ABI2: variants seen among roughly 807,000 people sequenced by gnomAD.
ABI2 encodes abelson interactor 2.
ABI2 carries 25 observed loss-of-function variants against 59.2 expected under a neutral mutation model. That is an observed-to-expected ratio of 0.42 (90% confidence interval 0.31 to 0.59). The LOEUF (loss-of-function observed/expected upper bound fraction) is 0.59, where lower values mean the gene tolerates loss of function less well. Ranked by LOEUF, ABI2 falls within the 20% of genes least tolerant of loss-of-function variation. ABI2 has a pLI of 0.14. For missense variants in ABI2, 545 were observed against 681.8 expected (o/e 0.80, Z 2.23); for synonymous variants, 213 against 235.5 (o/e 0.90, Z 0.87).
At chr2:203,378,689 T>C (rs1474098747) in intron 2 of ABI2, among the ~76,000 whole-genome samples, 1 of 152,140 alleles carries the variant, frequency 6.6e-6, no homozygotes, top group Non-Finnish European at 1.5e-5. Flanking sequence ...ACCAGGTTCT[T>C]TTAGAAAGGG....
At chr2:203,388,961 G>T (rs2096638829) in intron 4 of ABI2, among the ~76,000 whole-genome samples, 1 of 151,802 alleles carries the variant, frequency 6.6e-6, no homozygotes, top group Non-Finnish European at 1.5e-5. Flanking sequence ...TTTAGTGTTT[G>T]GTTCACTTCT....
rs564064537 is a variant in ABI2, at chr2:203,430,886, T to C, written c.*3534T>C. 6.6e-6 allele frequency: 1 copy of C among 152,364 alleles called. No homozygotes were observed. The highest frequency in any genetic ancestry group is 2.1e-4 in the South Asian group (1 of 4,828). The allele number at this position is 152,364 out of a possible 1,614,324, so 9.4% of individuals were successfully genotyped here. A position where few individuals can be genotyped will look rare whatever the true frequency, so the allele number is the denominator to read the frequency against. On this transcript the variant is annotated 3_prime_UTR_variant, in exon 12 of 12. Transcript: ENST00000261018. ...TTTTTCTCTTTGGGAGGCATCAAAA[T>C]GATGGTAGTTTGCTTTTATCTTTTT...
chr2:203,410,527 G>C (rs1261468004), intron 9 of ABI2, among the ~76,000 whole-genome samples: 1 of 152,090 alleles, frequency 6.6e-6, no homozygotes, highest in Non-Finnish European at 1.5e-5. Context: ...AGGTGATTGA[G>C]GTGCAGGGAA....
At chr2:203,376,363 G>A (rs2095678160) in intron 2 of ABI2, among the ~76,000 whole-genome samples, 1 of 152,174 alleles carries the variant, frequency 6.6e-6, no homozygotes, top group Admixed American at 6.5e-5. Flanking sequence ...AATGTCAATA[G>A]TGCCACTGTT....
chr2:203,352,825 G>A (rs535069616), intron 1 of ABI2, among the ~76,000 whole-genome samples: 19 of 152,304 alleles, frequency 1.2e-4, no homozygotes, highest in African/African-American at 4.3e-4. Flanking sequence ...TGTAAGCTGC[G>A]TTGATGGTAA....
At chr2:203,358,566 G>A (rs1231770186) in intron 1 of ABI2, among the ~76,000 whole-genome samples, 1 of 152,202 alleles carries the variant, frequency 6.6e-6, no homozygotes, top group Non-Finnish European at 1.5e-5. Context: ...AGAATTCTGT[G>A]TCTCGTTTCT....
intron 1 of ABI2, among the ~76,000 whole-genome samples, chr2:203,341,400 A>G (rs1016421106): frequency 1.3e-5 from 2 of 152,164 alleles, no homozygotes; most frequent in Non-Finnish European, 2.9e-5. Flanking sequence ...AGCATTAGAA[A>G]ATGTCGGAGG....
intron 1 of ABI2, among the ~76,000 whole-genome samples, chr2:203,334,381 G>T (rs1193665494): frequency 3.3e-5 from 5 of 152,126 alleles, no homozygotes; most frequent in African/African-American, 4.8e-5. Context: ...ATGTAGTAGA[G>T]ATATTTTTGA....
At position 203,408,829 on chromosome 2, in the gene ABI2, C is replaced by T. The variant is rs1174266496; in HGVS notation, c.1193-2456C>T. On this transcript the variant is annotated intron_variant, in intron 9 of 11. Coordinates refer to ENST00000261018, the MANE Select transcript of ABI2 (RefSeq NM_001375670.1). The stretch of plus-strand genomic sequence containing the variant: ...TCTTTTTTGTCTATGCTACCTTCTC[C>T]TTTCTTTTTTTTTTTTTTTTGAGAC... Among the ~76,000 whole-genome samples, 80 of 69,252 alleles carry T rather than the reference C, an allele frequency of 1.2e-3. 1 individual carries two copies. The highest frequency in any genetic ancestry group is 2.2e-3 in the African/African-American group (58 of 26,586). The allele number at this position is 69,252 out of a possible 152,430, so 45.4% of individuals were successfully genotyped here.
intron 1 of ABI2, among the ~76,000 whole-genome samples, chr2:203,340,530 CT>C (rs997564047): frequency 1.5e-4 from 23 of 152,012 alleles, no homozygotes; most frequent in African/African-American, 5.5e-4. Context: ...CCACACATGG[CT>C]AATTTTTGTA....
chr2:203,398,706 A>G (rs2097104640), intron 8 of ABI2, among the ~76,000 whole-genome samples: 1 of 152,124 alleles, frequency 6.6e-6, no homozygotes. Context: ...CTTTATAGTC[A>G]GTCCTTCCCT....
chr2:203,384,295 T>G lies in ABI2; in HGVS notation c.480+2089T>G, dbSNP rs112825499. Among the ~76,000 whole-genome samples, 97 of 87,926 alleles carry G rather than the reference T, an allele frequency of 1.1e-3. 3 individuals are homozygous for G. The highest frequency in any genetic ancestry group is 1.2e-3 in the Non-Finnish European group (44 of 36,704). The allele number at this position is 87,926 out of a possible 152,430, so 57.7% of individuals were successfully genotyped here. A position where few individuals can be genotyped will look rare whatever the true frequency, so the allele number is the denominator to read the frequency against. ...ATACTCTTGTTTTTGTTTTTGTTTT[T>G]TTTTTTTTTTTTTTTTTTTTTTTTT... On this transcript the variant is annotated intron_variant, in intron 4 of 11. Coordinates refer to ENST00000261018, the MANE Select transcript of ABI2 (RefSeq NM_001375670.1).
At chr2:203,345,033 C>T (rs561425405) in intron 1 of ABI2, among the ~76,000 whole-genome samples, 2 of 152,130 alleles carry the variant, frequency 1.3e-5, no homozygotes, top group East Asian at 1.9e-4. Flanking sequence ...AGCTGGCTGC[C>T]GGAGCCCGCA....
intron 4 of ABI2, among the ~76,000 whole-genome samples, chr2:203,385,324 G>A (rs1354155536): frequency 6.6e-6 from 1 of 150,408 alleles, no homozygotes; most frequent in African/African-American, 2.4e-5. Context: ...GTAGAGACGG[G>A]GTTTCACCGT....
chr2:203,416,868 C>T (rs1321080914), intron 10 of ABI2, 40 bp from the exon 11 acceptor site: 1 of 1,547,858 alleles, frequency 6.5e-7, no homozygotes, highest in Non-Finnish European at 8.7e-7. Context: ...CTGAACTTTG[C>T]ATAACATATA....
At chr2:203,362,422 A>G (rs1196522775) in intron 1 of ABI2, among the ~76,000 whole-genome samples, 2 of 152,208 alleles carry the variant, frequency 1.3e-5, no homozygotes, top group Non-Finnish European at 2.9e-5. Flanking sequence ...TTATATTCAC[A>G]TTCATGTAAT....
rs2078110268 is a variant in ABI2 at position 203,338,971 on chromosome 2, T to TATATATATAA, written c.117+10349_117+10350insAATATATATA. Among the ~76,000 whole-genome samples the TATATATATAA allele has an allele frequency of 9.0e-4, 9 of 9,980 alleles. 1 individual carries two copies. Among genetic ancestry groups the TATATATATAA allele is most frequent in the Middle Eastern group, 0.083 (1 of 12 alleles). The allele number at this position is 9,980 out of a possible 152,430, so 6.5% of individuals were successfully genotyped here. A position where few individuals can be genotyped will look rare whatever the true frequency, so the allele number is the denominator to read the frequency against. ...ATATATATATATATATAAATATATA[T>TATATATATAA]ATATATATATAAATATATATATATA... On this transcript the variant is annotated intron_variant, in intron 1 of 11. Coordinates refer to ENST00000261018, the MANE Select transcript of ABI2 (RefSeq NM_001375670.1).
At chr2:203,383,302 G>A (rs1174934354) in intron 4 of ABI2, 1 of 154,722 alleles carries the variant, frequency 6.5e-6, no homozygotes, top group African/African-American at 2.4e-5. Context: ...TGGATTGTTG[G>A]TTCCAAATCC....
At chr2:203,425,247 A>G (rs190176798) in intron 11 of ABI2, among the ~76,000 whole-genome samples, 29 of 151,898 alleles carry the variant, frequency 1.9e-4, no homozygotes, top group Non-Finnish European at 3.1e-4. Flanking sequence ...TTTTGAGACA[A>G]GAGTCTCACT....
Sources: allele counts gnomAD v4.1 joint callset (sites outside exome capture counted in the v4.1 genomes callset), GRCh38; gene constraint gnomAD v4.1.1; transcripts MANE v1.5; gene names NCBI Gene and HGNC (gene_info 2026-07-23, HGNC 2026-07-21).